Variants in SLC9A9 observed in about 807,000 individuals in gnomAD.
SLC9A9 encodes solute carrier family 9 member A9.
A neutral mutation model predicts 77.8 loss-of-function variants in SLC9A9; 62 were observed. The observed-to-expected ratio is 0.80, with a 90% confidence interval of 0.65 to 0.98. The LOEUF (loss-of-function observed/expected upper bound fraction) is 0.98. SLC9A9 is among the 50% of genes least tolerant of loss of function. The pLI is 0.00. For synonymous variants in SLC9A9, 320 were observed against 283.5 expected (o/e 1.13, Z -1.29); for missense variants, 775 against 774.9 (o/e 1.00, Z 0.00).
chr3:143,684,022 A>G (rs527393360), intron 5 of SLC9A9, among the ~76,000 whole-genome samples: 2 of 152,234 alleles, frequency 1.3e-5, no homozygotes, highest in Non-Finnish European at 2.9e-5. Flanking sequence ...ATCTTATTTA[A>G]TCCTTATCAA....
At chr3:143,630,283 A>C (rs963851817) in intron 6 of SLC9A9, among the ~76,000 whole-genome samples, 1 of 152,196 alleles carries the variant, frequency 6.6e-6, no homozygotes, top group Admixed American at 6.6e-5. Context: ...AAAGAGGCAA[A>C]ACCCAGAGAA....
chr3:143,497,791 T>C (rs1245428784), intron 9 of SLC9A9, among the ~76,000 whole-genome samples: 2 of 152,164 alleles, frequency 1.3e-5, no homozygotes, highest in Non-Finnish European at 2.9e-5. Context: ...CAAAACACTT[T>C]TTCACTCTAA....
chr3:143,388,938 T>G (rs1301590131), intron 12 of SLC9A9, among the ~76,000 whole-genome samples: 1 of 152,136 alleles, frequency 6.6e-6, no homozygotes, highest in East Asian at 1.9e-4. Flanking sequence ...ATGAGTTTAA[T>G]GGTAAGAGAA....
chr3:143,292,848 T>G (rs183489770), intron 14 of SLC9A9, among the ~76,000 whole-genome samples: 331 of 152,286 alleles, frequency 2.2e-3, no homozygotes, highest in South Asian at 5.0e-3. Flanking sequence ...CTCTGCACGT[T>G]GATGACACTG....
intron 9 of SLC9A9, among the ~76,000 whole-genome samples, chr3:143,551,143 G>A (rs2036875891): frequency 6.6e-6 from 1 of 152,224 alleles, no homozygotes; most frequent in Admixed American, 6.5e-5. Flanking sequence ...GATTGGGGTG[G>A]ATGTGTCTAG....
At chr3:143,692,669 G>A (rs1156402859) in intron 5 of SLC9A9, among the ~76,000 whole-genome samples, 1 of 152,102 alleles carries the variant, frequency 6.6e-6, no homozygotes, top group Non-Finnish European at 1.5e-5. Flanking sequence ...TATATTCACT[G>A]GAGAGAAATT....
At chr3:143,436,435 A>T (rs1394452018) in intron 12 of SLC9A9, among the ~76,000 whole-genome samples, 1 of 152,180 alleles carries the variant, frequency 6.6e-6, no homozygotes, top group African/African-American at 2.4e-5. Context: ...AAAGTGCTAT[A>T]ATTGCAAAAC....
At chr3:143,706,854 T>G (rs1933994080) in intron 4 of SLC9A9, among the ~76,000 whole-genome samples, 1 of 152,230 alleles carries the variant, frequency 6.6e-6, no homozygotes, top group Admixed American at 6.5e-5. Flanking sequence ...AGTGTTACTG[T>G]ATTTTATGTA....
chr3:143,496,783 G>A (rs1054497479), intron 9 of SLC9A9, among the ~76,000 whole-genome samples: 1 of 152,200 alleles, frequency 6.6e-6, no homozygotes, highest in Non-Finnish European at 1.5e-5. Flanking sequence ...AGATTTGGCT[G>A]TTGTCTTAAT....
intron 4 of SLC9A9, among the ~76,000 whole-genome samples, chr3:143,743,241 G>GGATGGATGGATGGATA (rs1459309618): frequency 1.2e-4 from 16 of 133,680 alleles, no homozygotes; most frequent in African/African-American, 4.2e-4. Flanking sequence ...ATGGATGGAT[G>GGATGGATGGATGGATA]GATAGATAGA....
At chr3:143,367,921 G>T (rs2032954608) in intron 13 of SLC9A9, among the ~76,000 whole-genome samples, 1 of 152,120 alleles carries the variant, frequency 6.6e-6, no homozygotes, top group Non-Finnish European at 1.5e-5. Context: ...TTTGAGTTTA[G>T]TTACAACATT....
At chr3:143,593,982 G>A (rs2108680764) in intron 6 of SLC9A9, among the ~76,000 whole-genome samples, 1 of 152,286 alleles carries the variant, frequency 6.6e-6, no homozygotes, top group South Asian at 2.1e-4. Flanking sequence ...ACAATCCTTG[G>A]CTATGCCACC....
intron 6 of SLC9A9, among the ~76,000 whole-genome samples, chr3:143,602,430 G>A (rs2037860520): frequency 6.6e-6 from 1 of 152,194 alleles, no homozygotes; most frequent in Non-Finnish European, 1.5e-5. Flanking sequence ...GCTGGAACAG[G>A]TCAATTGCTC....
chr3:143,470,967 A>G lies in SLC9A9; in HGVS notation c.1316-3777T>C, dbSNP rs371498561. On this transcript the variant is annotated intron_variant, in intron 11 of 15. Transcript: ENST00000316549. ...TCTATATTTACAGGAGATGCAATGC[A>G]GAGATTTCAGAAACAAATGGAAAAG... Among the ~76,000 whole-genome samples the G allele has an allele frequency of 3.2e-4, 49 of 152,352 alleles. 1 individual carries two copies. The South Asian group carries it at 9.9e-3, about 31-fold the overall frequency.
chr3:143,846,969 C>G (rs909680028), intron 1 of SLC9A9, among the ~76,000 whole-genome samples: 1 of 152,122 alleles, frequency 6.6e-6, no homozygotes, highest in South Asian at 2.1e-4. Flanking sequence ...TAACTCTGTG[C>G]TCTGAATGGA....
At chr3:143,735,150 A>T (rs1017636505) in intron 4 of SLC9A9, among the ~76,000 whole-genome samples, 4 of 152,212 alleles carry the variant, frequency 2.6e-5, no homozygotes, top group African/African-American at 9.6e-5. Flanking sequence ...GTAAAATAAA[A>T]ATGAAAATAA....
chr3:143,845,483 TG>T (rs1481298624), intron 1 of SLC9A9, among the ~76,000 whole-genome samples: 2 of 152,230 alleles, frequency 1.3e-5, no homozygotes, highest in African/African-American at 4.8e-5. Flanking sequence ...TGACAAGTCA[TG>T]AATGCCACCC....
At chr3:143,784,162 A>G (rs749298336) in intron 4 of SLC9A9, among the ~76,000 whole-genome samples, 23 of 152,132 alleles carry the variant, frequency 1.5e-4, no homozygotes, top group Non-Finnish European at 3.1e-4. Context: ...AACTTAAATA[A>G]AACTTTCCCG....
At chr3:143,353,081 C>G (rs1221509526) in intron 14 of SLC9A9, among the ~76,000 whole-genome samples, 1 of 152,216 alleles carries the variant, frequency 6.6e-6, no homozygotes, top group East Asian at 1.9e-4. Flanking sequence ...TCTGAACACT[C>G]TGCACCCTGT....
Sources: gnomAD v4.1 joint callset for allele counts (sites outside exome capture counted in the v4.1 genomes callset) on GRCh38, gnomAD v4.1.1 for gene constraint, MANE v1.5 for transcripts, NCBI Gene and HGNC (gene_info 2026-07-23, HGNC 2026-07-21) for gene names.